ZNF541: variants seen among roughly 807,000 people sequenced by gnomAD.
The protein encoded by ZNF541 is zinc finger protein 541.
A neutral mutation model predicts 123.5 loss-of-function variants in ZNF541; 23 were observed. The ratio of observed to expected loss-of-function variants is 0.19; its 90% CI spans 0.13 to 0.26. The LOEUF (loss-of-function observed/expected upper bound fraction) is 0.26, where lower values mean the gene tolerates loss of function less well. ZNF541 is among the 10% of genes least tolerant of loss of function. The pLI, the probability that ZNF541 is intolerant of heterozygous loss-of-function variation, is 1.00. For synonymous variants in ZNF541, 751 were observed against 754.5 expected (o/e 1.00, Z 0.08); for missense variants, 1,612 against 1,789.9 (o/e 0.90, Z 1.79).
intron 14 of ZNF541, among the ~76,000 whole-genome samples, chr19:47,522,960 G>A (rs1163414195): frequency 1.3e-5 from 2 of 151,822 alleles, no homozygotes; most frequent in Non-Finnish European, 2.9e-5. Flanking sequence ...TGGCCAGGCT[G>A]GTCTTGAACT....
chr19:47,557,165 T>C (rs916724069), intron 2 of ZNF541, among the ~76,000 whole-genome samples: 1 of 152,316 alleles, frequency 6.6e-6, no homozygotes, highest in Middle Eastern at 3.4e-3. Context: ...AGATTATATA[T>C]GGCTCGTATT....
chr19:47,534,227 G>T (rs2122998306), intron 9 of ZNF541, among the ~76,000 whole-genome samples: 1 of 152,262 alleles, frequency 6.6e-6, no homozygotes, highest in South Asian at 2.1e-4. Flanking sequence ...CAGATCAGTA[G>T]AGACTATGGA....
intron 2 of ZNF541, among the ~76,000 whole-genome samples, chr19:47,562,211 T>A (rs997586978): frequency 1.3e-5 from 2 of 151,630 alleles, no homozygotes; most frequent in Non-Finnish European, 2.9e-5. Flanking sequence ...ATCGTGCCAC[T>A]GCACTCCAGC....
rs1366181344 is a variant in ZNF541 at position 47,545,066 on chromosome 19, T to C, written c.1463A>G (p.Asp488Gly). The C allele has an allele frequency of 1.4e-6, 2 of 1,477,686 alleles. No homozygotes were observed. The highest frequency in any genetic ancestry group is 8.9e-7 in the Non-Finnish European group (1 of 1,118,018). The allele number at this position is 1,477,686 out of a possible 1,614,324, so 91.5% of individuals were successfully genotyped here. The change falls in exon 5 of 17, where the codon GAC becomes GGC. Residue 488 changes from aspartate (D) to glycine (G), a missense_variant. Asp to Gly is a moderately conservative substitution (Grantham distance 94). Transcript: ENST00000391901. The surrounding 1 kb of genome is among the most constrained non-coding windows in gnomAD (Gnocchi z 7.5). ...ATCTTCCCCGCTGGCCGACCTGGGG[T>C]CGCTCGGGGCCTCCGCGGGGACCCT... The part of the protein sequence containing the change: ...LLRVPAEAPS[D>G]PRSASGEDDP...
intron 2 of ZNF541, among the ~76,000 whole-genome samples, chr19:47,568,468 C>T (rs1568526843): frequency 6.6e-6 from 1 of 152,050 alleles, no homozygotes. Context: ...CTCAGCCACC[C>T]GAGTAGCTGG....
chr19:47,558,870 G>A (rs558545648), intron 2 of ZNF541, among the ~76,000 whole-genome samples: 9 of 151,594 alleles, frequency 5.9e-5, no homozygotes, highest in African/African-American at 1.7e-4. Context: ...TCAGCCTCCC[G>A]AGTAGCTGGG....
At chr19:47,561,350 A>G (rs531777093) in intron 2 of ZNF541, among the ~76,000 whole-genome samples, 2 of 152,062 alleles carry the variant, frequency 1.3e-5, no homozygotes, top group Non-Finnish European at 2.9e-5. Context: ...AGGAGGGTGA[A>G]TCGCTTGAGC....
At chr19:47,537,664 C>T (rs1011609565) in intron 9 of ZNF541, among the ~76,000 whole-genome samples, 4 of 147,062 alleles carry the variant, frequency 2.7e-5, no homozygotes, top group African/African-American at 1.0e-4. Flanking sequence ...AATCACAAGT[C>T]CAGGAGCTCG....
At chr19:47,537,181 C>T (rs948558976) in intron 9 of ZNF541, among the ~76,000 whole-genome samples, 11 of 152,106 alleles carry the variant, frequency 7.2e-5, no homozygotes, top group African/African-American at 2.4e-4. Flanking sequence ...AGTTGCACGG[C>T]CTTGTGAATA....
In ZNF541 at chr19:47,529,662, G is replaced by A; in HGVS notation, c.3406-10C>T. The A allele has an allele frequency of 6.4e-7, 1 of 1,551,554 alleles. No individual in the cohort carries two copies. The highest frequency in any genetic ancestry group is 1.2e-5 in the South Asian group (1 of 84,052). On this transcript the variant is annotated splice_polypyrimidine_tract_variant and intron_variant, in intron 12 of 16. Coordinates refer to ENST00000391901, the MANE Select transcript of ZNF541 (RefSeq NM_001277075.3). ...GAGTCTCCAGGGCGACCTGGAACAAGAGGAGCGACAGGCTGCCCAGGACCA... is the reference window on the plus strand; with the variant it reads ...GAGTCTCCAGGGCGACCTGGAACAAAAGGAGCGACAGGCTGCCCAGGACCA...
At position 47,525,891 on chromosome 19, in the gene ZNF541, G is replaced by A. The variant is rs915587879; in HGVS notation, c.3570+3059C>T. On this transcript the variant is annotated intron_variant, in intron 14 of 16. Transcript: ENST00000391901. ...AGATCTCGCCACTGCACTCCAGTCT[G>A]GGCGACAGAGCGAGACTCCGTCTCA... Among the ~76,000 whole-genome samples, 6 of 146,060 alleles carry A rather than the reference G, an allele frequency of 4.1e-5. No individual in the cohort carries two copies. In the Admixed American group the frequency reaches 4.2e-4, roughly 10 times the overall value.
At position 47,555,734 on chromosome 19, in the gene ZNF541, C is replaced by T. The variant is rs746786483; in HGVS notation, c.123G>A (p.Thr41=). 14 of 1,551,604 alleles carry T rather than the reference C, an allele frequency of 9.0e-6. No individual in the cohort carries two copies. The highest frequency in any genetic ancestry group is 2.0e-5 in the Admixed American group (1 of 50,978). ...DTLNRDLGPN[T]RGFLYAGLSG... is the part of the protein sequence containing the mutation. ...TCAGGCCAGCATAAAGAAAGCCTCG[C>T]GTGTTGGGACCCAAATCCCGGTTGA... Residue 41 remains threonine (T), a synonymous_variant, in exon 3 of 17, where the codon ACG becomes ACA. Coordinates refer to ENST00000391901, the MANE Select transcript of ZNF541 (RefSeq NM_001277075.3).
rs1007359916 is a variant in ZNF541, at chr19:47,545,191, C to G, written c.1338G>C (p.Glu446Asp). Residue 446 changes from glutamate to aspartate, a missense_variant, in exon 5 of 17, where the codon GAG becomes GAC. Coordinates refer to ENST00000391901, the MANE Select transcript of ZNF541 (RefSeq NM_001277075.3). The surrounding 1 kb of genome is among the most constrained non-coding windows in gnomAD (Gnocchi z 7.5). The stretch of plus-strand genomic sequence containing the variant: ...TTCCGCTGCTGGGTCCCGGGCCAGA[C>G]TCGGAGCCCTCCCGCGAGGGCACGG... ...PSAVPSREGS[E>D]SGPGPSSGSP... 5 of 1,518,878 alleles carry G rather than the reference C, an allele frequency of 3.3e-6. No homozygotes were observed. The African/African-American group carries it at 6.9e-5, about 21-fold the overall frequency. 94.1% of individuals were successfully genotyped at this position (1,518,878 alleles called of 1,614,324 possible). A position where few individuals can be genotyped will look rare whatever the true frequency, so the allele number is the denominator to read the frequency against.
intron 3 of ZNF541, among the ~76,000 whole-genome samples, chr19:47,554,390 C>T (rs1413926409): frequency 6.6e-6 from 1 of 152,156 alleles, no homozygotes; most frequent in Non-Finnish European, 1.5e-5. Flanking sequence ...GAGATTGTGC[C>T]ACTGCACTCC....
At chr19:47,568,724 G>C (rs1413158987) in intron 2 of ZNF541, among the ~76,000 whole-genome samples, 1 of 152,136 alleles carries the variant, frequency 6.6e-6, no homozygotes, top group African/African-American at 2.4e-5. Flanking sequence ...TCAGGCTGGA[G>C]TGCAATGGCG....
chr19:47,537,358 G>T (rs1291101384), intron 9 of ZNF541, among the ~76,000 whole-genome samples: 1 of 152,120 alleles, frequency 6.6e-6, no homozygotes, highest in Non-Finnish European at 1.5e-5. Flanking sequence ...GAAGTCAGGA[G>T]CTCGAGACCA....
chr19:47,562,270 G>A (rs1034178088), intron 2 of ZNF541, among the ~76,000 whole-genome samples: 3 of 149,512 alleles, frequency 2.0e-5, no homozygotes, highest in African/African-American at 5.0e-5. Flanking sequence ...CAGGCCAGGC[G>A]CGCTGGCTCA....
At chr19:47,532,719 T>C (rs186842494) in intron 10 of ZNF541, among the ~76,000 whole-genome samples, 190 bp downstream of exon 10, 3 of 152,274 alleles carry the variant, frequency 2.0e-5, no homozygotes, top group Non-Finnish European at 4.4e-5. Flanking sequence ...CATATATATA[T>C]ATATATTTGT....
chr19:47,522,037 C>G (rs766591557), intron 14 of ZNF541, 43 bp from the exon 15 acceptor site: 17 of 1,548,886 alleles, frequency 1.1e-5, no homozygotes, highest in Non-Finnish European at 1.5e-5. Flanking sequence ...GCCACGCGGG[C>G]CCTGGGAGTG....
Sources: allele counts gnomAD v4.1 joint callset (sites outside exome capture counted in the v4.1 genomes callset), GRCh38; gene constraint gnomAD v4.1.1; non-coding constraint Gnocchi (gnomAD v3.1); transcripts MANE v1.5; gene names NCBI Gene and HGNC (gene_info 2026-07-23, HGNC 2026-07-21).